Variants in TUSC3 observed in about 807,000 individuals in gnomAD.
The protein encoded by TUSC3 is dolichyl-diphosphooligosaccharide--protein glycosyltransferase subunit TUSC3.
A neutral mutation model predicts 44.8 loss-of-function variants in TUSC3; 45 were observed. The observed-to-expected ratio is 1.00, with a 90% CI of 0.79 to 1.29. The LOEUF is 1.29. Among genes scored for constraint, TUSC3 ranks in the 50% most tolerant of loss-of-function variants. The probability of loss-of-function intolerance (pLI) is 0.00; values close to 1 mark genes in which losing one functional copy is unlikely to be tolerated. For synonymous variants in TUSC3, 212 were observed against 152.9 expected (o/e 1.39, Z -2.85); for missense variants, 519 against 437.9 (o/e 1.19, Z -1.65).
chr8:15,440,541 G>A (rs534502043), intron 1 of TUSC3, among the ~76,000 whole-genome samples: 9 of 152,268 alleles, frequency 5.9e-5, no homozygotes, highest in Middle Eastern at 3.4e-3. Context: ...GGCCAGAGGA[G>A]AATCAAACAG....
intron 1 of TUSC3, among the ~76,000 whole-genome samples, chr8:15,469,974 G>A (rs983647172): frequency 2.6e-5 from 4 of 152,100 alleles, no homozygotes; most frequent in African/African-American, 9.7e-5. Context: ...GATCAGTGGA[G>A]GCTGGGTGAG....
At chr8:15,717,861 A>G (rs931059969) in intron 6 of TUSC3, among the ~76,000 whole-genome samples, 1 of 152,092 alleles carries the variant, frequency 6.6e-6, no homozygotes, top group South Asian at 2.1e-4. Context: ...GCAGATTCAC[A>G]TCATATTCTG....
chr8:15,774,374 G>A, the TUSC3 span, among the ~76,000 whole-genome samples: 18 of 152,190 alleles, frequency 1.2e-4, no homozygotes, highest in Middle Eastern at 3.4e-3. Flanking sequence ...CAGTATTACT[G>A]GTGCCCTTGT....
intron 1 of TUSC3, among the ~76,000 whole-genome samples, chr8:15,451,732 T>C (rs1800199218): frequency 6.6e-6 from 1 of 151,994 alleles, no homozygotes; most frequent in African/African-American, 2.4e-5. Context: ...TTGCAATCGA[T>C]GGGGGCAATA....
chr8:15,513,809 A>G (rs1428581462), intron 2 of TUSC3, among the ~76,000 whole-genome samples: 1 of 152,166 alleles, frequency 6.6e-6, no homozygotes, highest in Non-Finnish European at 1.5e-5. Context: ...AACTGCACTT[A>G]TATCTCACCA....
the TUSC3 span, among the ~76,000 whole-genome samples, chr8:15,775,977 G>A: frequency 6.6e-6 from 1 of 151,818 alleles, no homozygotes; most frequent in East Asian, 1.9e-4. Context: ...TGGGGATGAG[G>A]TTAATAATTT....
chr8:15,511,615 A>G (rs1184707686), intron 2 of TUSC3, among the ~76,000 whole-genome samples: 2 of 152,210 alleles, frequency 1.3e-5, no homozygotes, highest in African/African-American at 2.4e-5. Context: ...CACGCCTGTA[A>G]TTCCAGCACT....
intron 6 of TUSC3, among the ~76,000 whole-genome samples, chr8:15,717,399 T>G (rs1290118139): frequency 1.3e-5 from 2 of 152,058 alleles, no homozygotes; most frequent in Non-Finnish European, 2.9e-5. Flanking sequence ...AGAGACTGCT[T>G]TTACTGAAAT....
the TUSC3 span, among the ~76,000 whole-genome samples, chr8:15,829,813 C>T: frequency 1.1e-4 from 17 of 151,730 alleles, no homozygotes; most frequent in Non-Finnish European, 2.9e-5. Context: ...GGGTAGATAC[C>T]CAGTAGTGGG....
At chr8:15,671,658 C>T (rs354516) in intron 5 of TUSC3, among the ~76,000 whole-genome samples, 1 of 151,984 alleles carries the variant, frequency 6.6e-6, no homozygotes, top group South Asian at 2.1e-4. Flanking sequence ...ATTTTTTAAA[C>T]TGGTGACATA....
the TUSC3 span, among the ~76,000 whole-genome samples, chr8:15,795,240 T>C: frequency 1.2e-4 from 18 of 152,106 alleles, no homozygotes; most frequent in Non-Finnish European, 2.4e-4. Flanking sequence ...AATCCAAGTA[T>C]AGCAGGATGC....
intron 1 of TUSC3, among the ~76,000 whole-genome samples, chr8:15,566,935 T>A (rs1298151523): frequency 1.3e-5 from 2 of 152,132 alleles, no homozygotes; most frequent in Non-Finnish European, 2.9e-5. Flanking sequence ...CACATATTCT[T>A]ACAGGTTGTA....
chr8:15,574,929 A>C (rs964960189), intron 1 of TUSC3, among the ~76,000 whole-genome samples: 3 of 152,118 alleles, frequency 2.0e-5, no homozygotes, highest in Admixed American at 6.5e-5. Context: ...GAAACTAACT[A>C]TTCTAGTGTT....
chr8:15,639,155 T>A (rs1806242791), intron 2 of TUSC3, among the ~76,000 whole-genome samples: 1 of 151,840 alleles, frequency 6.6e-6, no homozygotes, highest in Admixed American at 6.6e-5. Context: ...TCAGTGATGA[T>A]CATGTGTCGA....
At chr8:15,821,143 A>C in the TUSC3 span, among the ~76,000 whole-genome samples, 1 of 152,108 alleles carries the variant, frequency 6.6e-6, no homozygotes, top group South Asian at 2.1e-4. Context: ...TCATATCTGA[A>C]AAATGTTTAT....
At chr8:15,820,404 C>A in the TUSC3 span, among the ~76,000 whole-genome samples, 3 of 150,690 alleles carry the variant, frequency 2.0e-5, no homozygotes, top group African/African-American at 7.3e-5. Context: ...CTCCACTTAC[C>A]AGGTTCAAGC....
chr8:15,767,979 A>T (rs1190400872), downstream of TUSC3, among the ~76,000 whole-genome samples: 1 of 152,144 alleles, frequency 6.6e-6, no homozygotes, highest in Non-Finnish European at 1.5e-5. Context: ...GGCAGGATCC[A>T]TGTTCAGAAA....
chr8:15,540,606 G>A, intron 1 of TUSC3, 38 bp downstream of exon 1: 1 of 1,515,242 alleles, frequency 6.6e-7, no homozygotes, highest in Non-Finnish European at 8.9e-7. Flanking sequence ...TGTGGGCGGG[G>A]GCGGGCCAGG....
intron 6 of TUSC3, among the ~76,000 whole-genome samples, chr8:15,716,892 C>T (rs1027728654): frequency 1.3e-4 from 20 of 151,752 alleles, no homozygotes. Context: ...GTAATAGCTT[C>T]ATTTGAGAAA....
Sources: allele counts gnomAD v4.1 joint callset (sites outside exome capture counted in the v4.1 genomes callset), GRCh38; gene constraint gnomAD v4.1.1; transcripts MANE v1.5; gene names NCBI Gene and HGNC (gene_info 2026-07-23, HGNC 2026-07-21).